ZNF451: variants seen among roughly 807,000 people sequenced by gnomAD.
ZNF451 encodes the protein zinc finger protein 451.
In ZNF451, 80 loss-of-function variants were observed where a neutral mutation model predicts 107.1. That is an observed-to-expected ratio of 0.75 (90% CI 0.62 to 0.90). ZNF451 has a LOEUF of 0.90. Ranked by LOEUF, ZNF451 falls within the 40% of genes least tolerant of loss-of-function variation. ZNF451 has a pLI of 0.00. For synonymous variants in ZNF451, 362 were observed against 406.5 expected, an observed-to-expected ratio of 0.89 and a Z score of 1.32; for missense variants, 1,107 against 1,236.2, an observed-to-expected ratio of 0.90 and a Z score of 1.57.
At chr6:57,152,154 C>A in intron 11 of ZNF451, 67 bp from the exon 12 acceptor site, 2 of 1,514,262 alleles carry the variant, frequency 1.3e-6, no homozygotes, top group South Asian at 1.3e-5. Flanking sequence ...TGTGTTTTTT[C>A]TTGATAAAAT....
intron 3 of ZNF451, chr6:57,101,241 A>G (rs912620370): frequency 4.5e-6 from 7 of 1,551,052 alleles, no homozygotes; most frequent in Non-Finnish European, 6.1e-6. Context: ...AAAGGGTGAC[A>G]TTACAATCTG....
At chr6:57,142,175 C>A in intron 9 of ZNF451, 80 bp downstream of exon 9, 1 of 1,422,872 alleles carries the variant, frequency 7.0e-7, no homozygotes, top group Non-Finnish European at 9.4e-7. Context: ...ATTTTCTTTC[C>A]ATGTTTCTCT....
intron 3 of ZNF451, chr6:57,103,974 G>T (rs891962790): frequency 2.4e-4 from 233 of 985,246 alleles, no homozygotes; most frequent in Non-Finnish European, 2.7e-4. Flanking sequence ...GTTAATTTCA[G>T]GGTACTGTAT....
chr6:57,109,303 A>AC (rs1830007641), intron 3 of ZNF451: 2 of 781,766 alleles, frequency 2.6e-6, no homozygotes, highest in African/African-American at 3.8e-5. Context: ...ATATACACAC[A>AC]TTTTTTTTTT....
intron 11 of ZNF451, 32 bp from the exon 12 acceptor site, chr6:57,152,185 TTTGA>T (rs769702292): frequency 1.5e-5 from 23 of 1,580,892 alleles, no homozygotes; most frequent in Admixed American, 5.6e-5. Context: ...TCCTCTCCTG[TTTGA>T]TTATCATTTT....
intron 3 of ZNF451, among the ~76,000 whole-genome samples, chr6:57,117,686 A>G (rs913011002): frequency 2.0e-5 from 3 of 152,168 alleles, no homozygotes; most frequent in Non-Finnish European, 4.4e-5. Flanking sequence ...TTTAATTTTC[A>G]TTGACCTTTG....
chr6:57,164,363 T>C (rs1763807930), intron 14 of ZNF451, among the ~76,000 whole-genome samples: 1 of 152,234 alleles, frequency 6.6e-6, no homozygotes, highest in African/African-American at 2.4e-5. Flanking sequence ...ACATGACATA[T>C]GATAAATAGT....
At chr6:57,124,380 T>A (rs1254355485) in intron 3 of ZNF451, 2 of 709,354 alleles carry the variant, frequency 2.8e-6, no homozygotes, top group Admixed American at 4.0e-5. Context: ...GTTTCTGCTT[T>A]AGTAAGTCGA....
At chr6:57,161,584 C>T (rs755851418) in intron 14 of ZNF451, among the ~76,000 whole-genome samples, 34 of 149,958 alleles carry the variant, frequency 2.3e-4, no homozygotes, top group Admixed American at 1.3e-4. Context: ...TGTTACTTAT[C>T]TTGAGTAGTA....
intron 7 of ZNF451, 24 bp from the exon 8 acceptor site, chr6:57,141,278 A>G: frequency 1.3e-6 from 2 of 1,564,116 alleles, no homozygotes; most frequent in Non-Finnish European, 1.7e-6. Flanking sequence ...GTTTTCCATA[A>G]TACAGCTTTG....
chr6:57,105,465 T>G (rs1045982244), intron 3 of ZNF451: 1 of 985,308 alleles, frequency 1.0e-6, no homozygotes, highest in African/African-American at 1.7e-5. Context: ...TATGTGAATT[T>G]TGTACAGTGA....
intron 7 of ZNF451, among the ~76,000 whole-genome samples, chr6:57,138,735 A>G (rs1397260813): frequency 0.059 from 6,084 of 103,002 alleles, 216 homozygotes; most frequent in Non-Finnish European, 0.071. Context: ...ATATATATAT[A>G]TATATATGTG....
intron 3 of ZNF451, chr6:57,099,547 TGTAGAGATCCTTTTAGGAATGGAAA>T (rs774259885): frequency 1.4e-6 from 1 of 715,994 alleles, no homozygotes; most frequent in South Asian, 1.5e-5. Flanking sequence ...AAAAAGGATA[TGTAGAGATCCTTTTAGGAATGGAAA>T]GTGGGGGAAG....
At chr6:57,159,135 A>G in intron 13 of ZNF451, 1 of 985,388 alleles carries the variant, frequency 1.0e-6, no homozygotes, top group Non-Finnish European at 1.2e-6. Flanking sequence ...AATTCCATGC[A>G]AAGGTACTGA....
At chr6:57,099,917 C>T (rs1286968577) in intron 3 of ZNF451, among the ~76,000 whole-genome samples, 4 of 152,188 alleles carry the variant, frequency 2.6e-5, no homozygotes, top group African/African-American at 4.8e-5. Context: ...GTTTGAGTCC[C>T]AGCTTTACTC....
At chr6:57,161,861 C>A (rs932601139) in intron 14 of ZNF451, among the ~76,000 whole-genome samples, 15 of 151,954 alleles carry the variant, frequency 9.9e-5, no homozygotes, top group African/African-American at 3.6e-4. Flanking sequence ...ACACGCCCAG[C>A]TAAAAATTAA....
intron 14 of ZNF451, 42 bp from the exon 15 acceptor site, chr6:57,168,381 T>C: frequency 7.0e-7 from 1 of 1,418,800 alleles, no homozygotes; most frequent in Non-Finnish European, 9.8e-7. Context: ...ACATGTTGAG[T>C]TTTCTGCCCT....
At chr6:57,097,086 G>A (rs867402646) in intron 2 of ZNF451, among the ~76,000 whole-genome samples, 1 of 152,062 alleles carries the variant, frequency 6.6e-6, no homozygotes, top group South Asian at 2.1e-4. Flanking sequence ...CTTCATACCA[G>A]ATGTAGATTT....
chr6:57,128,859 A>T lies in ZNF451; in HGVS notation c.424+19A>T. Reference sequence around the variant, plus strand: ...ATGCCAGGTATTCTTTAGAAATTACACTAAGGTTACCTAGCTTCCCCAAAG... The same window carrying T: ...ATGCCAGGTATTCTTTAGAAATTACTCTAAGGTTACCTAGCTTCCCCAAAG... On this transcript the variant is annotated intron_variant, in intron 5 of 14. Transcript: ENST00000370706. 6.4e-7 allele frequency: 1 copy of T among 1,571,054 alleles called. No individual in the cohort carries two copies. The highest frequency in any genetic ancestry group is 8.7e-7 in the Non-Finnish European group (1 of 1,147,284).
Sources: gnomAD v4.1 joint callset for allele counts (sites outside exome capture counted in the v4.1 genomes callset) on GRCh38, gnomAD v4.1.1 for gene constraint, MANE v1.5 for transcripts, NCBI Gene and HGNC (gene_info 2026-07-23, HGNC 2026-07-21) for gene names.